Variants in LMF1 observed in about 807,000 individuals in gnomAD.
The protein encoded by LMF1 is lipase maturation factor 1.
LMF1 carries 68 observed loss-of-function variants against 60.6 expected under a neutral mutation model. That is an observed-to-expected ratio of 1.12 (90% CI 0.92 to 1.37). The LOEUF is 1.37. Ranked by LOEUF, LMF1 falls within the 40% of genes most tolerant of loss-of-function variation. LMF1 has a pLI of 0.00. For missense variants in LMF1, 948 were observed against 767.2 expected, an observed-to-expected ratio of 1.24 and a Z score of -2.78; for synonymous variants, 418 against 324.7, an observed-to-expected ratio of 1.29 and a Z score of -3.09.
At chr16:854,991 G>A (rs1437903489) in intron 10 of LMF1, 2 of 524,854 alleles carry the variant, frequency 3.8e-6, no homozygotes, top group Non-Finnish European at 6.9e-6. Context: ...AGAGGGACCG[G>A]CCCGGGGAAG....
intron 3 of LMF1, among the ~76,000 whole-genome samples, chr16:919,506 A>T (rs13337915): frequency 0.021 from 1,481 of 71,340 alleles, 24 homozygotes; most frequent in African/African-American, 0.14. Flanking sequence ...GCACCAGGGC[A>T]CAGGCCCCAC....
chr16:972,688 T>G (rs1364153006), upstream of LMF1, among the ~76,000 whole-genome samples: 1 of 152,206 alleles, frequency 6.6e-6, no homozygotes, highest in Non-Finnish European at 1.5e-5. Flanking sequence ...AAGGAGGCTT[T>G]GTGCACAGCT....
rs2035519163 is a variant in LMF1 at position 868,837 on chromosome 16, G to C, written c.1529+107C>G. On this transcript the variant is annotated intron_variant, in intron 10 of 10. Transcript: ENST00000262301. Reference sequence around the variant, plus strand: ...CACCTCCTGCCTCTGCGGGAGGGAAGGGGCGCTTCCCGTGAGCAGGTGGGG... The same window carrying C: ...CACCTCCTGCCTCTGCGGGAGGGAACGGGCGCTTCCCGTGAGCAGGTGGGG... 3 of 736,618 alleles carry C rather than the reference G, an allele frequency of 4.1e-6. No homozygotes were observed. In the Admixed American group the frequency reaches 5.8e-5, roughly 14 times the overall value. The allele number at this position is 736,618 out of a possible 1,614,324, so 45.6% of individuals were successfully genotyped here.
At chr16:924,258 C>T (rs368301414) in intron 3 of LMF1, among the ~76,000 whole-genome samples, 1 of 152,302 alleles carries the variant, frequency 6.6e-6, no homozygotes, top group East Asian at 1.9e-4. Flanking sequence ...ATAAACCTAT[C>T]AGTCAGAAAG....
intron 3 of LMF1, among the ~76,000 whole-genome samples, chr16:932,447 T>TCGG (rs1478911836): frequency 6.6e-6 from 1 of 152,188 alleles, no homozygotes; most frequent in African/African-American, 2.4e-5. Context: ...CCTCACGGAC[T>TCGG]CGATTTTGCG....
At chr16:957,795 GAC>G (rs932338389) in intron 1 of LMF1, among the ~76,000 whole-genome samples, 4 of 152,044 alleles carry the variant, frequency 2.6e-5, no homozygotes, top group African/African-American at 9.7e-5. Context: ...CCCCCGACCC[GAC>G]ACACAGAGTG....
At chr16:958,430 AG>A (rs199741229) in intron 1 of LMF1, among the ~76,000 whole-genome samples, 9,570 of 152,330 alleles carry the variant, frequency 0.063, 366 homozygotes, top group Non-Finnish European at 0.089. Context: ...AAAGGTGGGA[AG>A]AAAAAACCAG....
intron 1 of LMF1, among the ~76,000 whole-genome samples, chr16:970,539 G>A (rs1596177115): frequency 6.6e-6 from 1 of 152,156 alleles, no homozygotes; most frequent in African/African-American, 2.4e-5. Context: ...TCGGGGCTGC[G>A]GGTGGAACCG....
intron 4 of LMF1, chr16:893,406 C>T (rs760459122): frequency 2.1e-5 from 10 of 474,500 alleles, no homozygotes; most frequent in East Asian, 1.9e-4. Context: ...AAATGCACCA[C>T]GCCCTGCACA....
chr16:869,292 T>C, intron 9 of LMF1: 1 of 675,266 alleles, frequency 1.5e-6, no homozygotes. Context: ...CTGGGTGCCT[T>C]GGAGCCTGTC....
intron 10 of LMF1, among the ~76,000 whole-genome samples, chr16:868,043 G>A (rs748890870): frequency 1.3e-5 from 2 of 152,122 alleles, no homozygotes; most frequent in Non-Finnish European, 2.9e-5. Flanking sequence ...GGCTGATGGC[G>A]CAGGGGAGGG....
rs1437279406 is a variant in LMF1 at position 878,791 on chromosome 16, G to C, written c.897+779C>G. 6.6e-6 allele frequency among the ~76,000 whole-genome samples: 1 copy of C among 152,074 alleles called. No homozygotes were observed. The highest frequency in any genetic ancestry group is 1.5e-5 in the Non-Finnish European group (1 of 68,004). On this transcript the variant is annotated intron_variant, in intron 6 of 10. Coordinates refer to ENST00000262301, the MANE Select transcript of LMF1 (RefSeq NM_022773.4). The surrounding 1 kb of genome is among the most constrained non-coding windows in gnomAD (Gnocchi z 5.2). ...CAGGGGAAGGGGCGTGGGACACCCA[G>C]GTACATCTGTTTTCCAGAGCACGTG...
intron 1 of LMF1, among the ~76,000 whole-genome samples, chr16:978,407 G>C (rs930682280): frequency 6.6e-6 from 1 of 152,010 alleles, no homozygotes; most frequent in Non-Finnish European, 1.5e-5. Context: ...TAGGAGCCAC[G>C]GGTAGGGTGG....
chr16:927,359 C>T (rs192274301), intron 3 of LMF1, among the ~76,000 whole-genome samples: 44 of 152,348 alleles, frequency 2.9e-4, no homozygotes, highest in Middle Eastern at 3.4e-3. Flanking sequence ...CTCTGCCTCC[C>T]GGTTTGAGGG....
At chr16:978,987 C>T (rs1376791770) in intron 1 of LMF1, 6 of 453,910 alleles carry the variant, frequency 1.3e-5, no homozygotes, top group Non-Finnish European at 2.2e-5. Flanking sequence ...ACCATCCTTC[C>T]TGAAGTCCCC....
intron 4 of LMF1, among the ~76,000 whole-genome samples, chr16:906,063 G>A (rs1414662229): frequency 1.3e-5 from 2 of 152,186 alleles, no homozygotes; most frequent in African/African-American, 4.8e-5. Context: ...GTGTGGTGAC[G>A]GAGGGGGGTT....
At chr16:948,954 CAG>C (rs869065539) in intron 2 of LMF1, among the ~76,000 whole-genome samples, 2 of 99,600 alleles carry the variant, frequency 2.0e-5, no homozygotes, top group Non-Finnish European at 1.9e-5. Flanking sequence ...AGGACAGAGT[CAG>C]AGCCAACGAC....
chr16:889,679 G>A (rs117712465), intron 5 of LMF1, among the ~76,000 whole-genome samples: 2,178 of 152,262 alleles, frequency 0.014, 36 homozygotes, highest in South Asian at 0.028. Flanking sequence ...TGAGATCCCC[G>A]CCCACAATGC....
intron 2 of LMF1, among the ~76,000 whole-genome samples, chr16:948,101 CAG>C (rs2072294384): frequency 6.8e-6 from 1 of 147,754 alleles, no homozygotes; most frequent in South Asian, 2.1e-4. Flanking sequence ...CAGCCAACGA[CAG>C]AGTCAGCCAA....
Sources: allele counts gnomAD v4.1 joint callset (sites outside exome capture counted in the v4.1 genomes callset), GRCh38; gene constraint gnomAD v4.1.1; non-coding constraint Gnocchi (gnomAD v3.1); transcripts MANE v1.5; gene names NCBI Gene and HGNC (gene_info 2026-07-23, HGNC 2026-07-21).